The following FAM81A variants were observed in gnomAD, a reference collection of about 807,000 sequenced individuals.
The protein encoded by FAM81A is family with sequence similarity 81 member A, also known as protein FAM81A.
In FAM81A, 19 loss-of-function variants were observed where a neutral mutation model predicts 46.7. That is an observed-to-expected ratio of 0.41 (90% CI 0.28 to 0.60). The LOEUF (loss-of-function observed/expected upper bound fraction) is 0.60, where lower values mean the gene tolerates loss of function less well. Among genes scored for constraint, FAM81A ranks in the 20% least tolerant of loss-of-function variants. The pLI, the probability that FAM81A is intolerant of heterozygous loss-of-function variation, is 0.34. For synonymous variants in FAM81A, 183 were observed against 152.9 expected (o/e 1.20, Z -1.45); for missense variants, 377 against 453.5 (o/e 0.83, Z 1.53).
chr15:59,425,875 T>C (rs970466116), intron 2 of FAM81A, among the ~76,000 whole-genome samples: 5 of 152,238 alleles, frequency 3.3e-5, no homozygotes, highest in Non-Finnish European at 5.9e-5. Flanking sequence ...TCCTCCTGTC[T>C]TGGCCTCCTA....
chr15:59,460,328 TC>T lies in FAM81A; in HGVS notation c.294+123del. 2 of 1,272,306 alleles carry T rather than the reference TC, an allele frequency of 1.6e-6. No individual in the cohort carries two copies. Among genetic ancestry groups the T allele is most frequent in the South Asian group, 2.4e-5 (2 of 83,488 alleles). 78.8% of individuals were successfully genotyped at this position (1,272,306 alleles called of 1,614,324 possible). ...ACTGCATTTAGAACAAAGCTGTCTG[TC>T]TTGTCTATTCTTAATGATCGCCAAG... On this transcript the variant is annotated intron_variant, in intron 3 of 8. Transcript: ENST00000288228. The surrounding 1 kb of genome is among the most constrained non-coding windows in gnomAD (Gnocchi z 4.4).
rs1463156123 is a variant in FAM81A, at chr15:59,522,038, A to G, written c.*660A>G. The G allele has an allele frequency of 1.3e-5, 2 of 152,650 alleles. No individual in the cohort carries two copies. Among genetic ancestry groups the G allele is most frequent in the Non-Finnish European group, 2.9e-5 (2 of 68,028 alleles). 9.5% of individuals were successfully genotyped at this position (152,650 alleles called of 1,614,324 possible). ...AACTTATTTAGATAACGTAAGGCTC[A>G]ATATCTGCGTTGACCACCTAGATAT... On this transcript the variant is annotated 3_prime_UTR_variant, in exon 9 of 9. Coordinates refer to ENST00000288228, the MANE Select transcript of FAM81A (RefSeq NM_152450.3).
At chr15:59,425,062 T>C (rs2141557085) in intron 2 of FAM81A, among the ~76,000 whole-genome samples, 1 of 152,296 alleles carries the variant, frequency 6.6e-6, no homozygotes. Flanking sequence ...TTTAATTTTA[T>C]TTTATAGAGA....
intron 2 of FAM81A, among the ~76,000 whole-genome samples, chr15:59,408,745 C>T (rs544018554): frequency 7.2e-5 from 11 of 152,316 alleles, no homozygotes; most frequent in African/African-American, 2.4e-4. Flanking sequence ...AGGAGACTCT[C>T]TTGAACCTGA....
At chr15:59,461,274 C>A (rs188008823) in intron 3 of FAM81A, among the ~76,000 whole-genome samples, 1 of 152,058 alleles carries the variant, frequency 6.6e-6, no homozygotes, top group African/African-American at 2.4e-5. Context: ...TGAGGTCTTT[C>A]GCATCTGGCT....
chr15:59,500,642 T>C (rs1488675655), intron 4 of FAM81A, among the ~76,000 whole-genome samples: 18 of 152,034 alleles, frequency 1.2e-4, no homozygotes, highest in African/African-American at 4.3e-4. Context: ...TGTTGGTGCA[T>C]TTACTGGTGT....
intron 4 of FAM81A, among the ~76,000 whole-genome samples, chr15:59,504,066 C>T (rs2141805976): frequency 6.6e-6 from 1 of 152,214 alleles, no homozygotes; most frequent in Non-Finnish European, 1.5e-5. Flanking sequence ...GTAGTGATAC[C>T]TGATAGTGTT....
chr15:59,440,962 C>T (rs968205449), intron 1 of FAM81A, among the ~76,000 whole-genome samples: 26 of 152,208 alleles, frequency 1.7e-4, no homozygotes, highest in Admixed American at 2.0e-4. Context: ...GGACAGGTTC[C>T]ATTGAAAATT....
chr15:59,437,105 A>G (rs952816174), upstream of FAM81A, among the ~76,000 whole-genome samples: 1 of 152,212 alleles, frequency 6.6e-6, no homozygotes, highest in South Asian at 2.1e-4. Flanking sequence ...AATACCCACA[A>G]ATATTTCAAA....
At chr15:59,427,047 T>C (rs903090095) in intron 2 of FAM81A, among the ~76,000 whole-genome samples, 2 of 152,248 alleles carry the variant, frequency 1.3e-5, no homozygotes, top group Admixed American at 1.3e-4. Flanking sequence ...TGTTTCTGTT[T>C]CTTTCTCCCA....
At chr15:59,519,727 A>G (rs984925447) in intron 8 of FAM81A, among the ~76,000 whole-genome samples, 4 of 152,008 alleles carry the variant, frequency 2.6e-5, no homozygotes, top group African/African-American at 7.2e-5. Context: ...CATTTGTGAC[A>G]AATGGCAGGC....
intron 1 of FAM81A, among the ~76,000 whole-genome samples, chr15:59,457,637 T>C (rs1000685272): frequency 1.3e-5 from 2 of 152,224 alleles, no homozygotes; most frequent in South Asian, 4.1e-4. Context: ...TTGTTTGGCA[T>C]GAATGACTTT....
intron 2 of FAM81A, among the ~76,000 whole-genome samples, chr15:59,416,151 A>G (rs1195669144): frequency 6.6e-6 from 1 of 152,234 alleles, no homozygotes; most frequent in Non-Finnish European, 1.5e-5. Flanking sequence ...ACTTGGGTAC[A>G]GGACATTTAT....
chr15:59,411,192 A>G (rs923012), intron 2 of FAM81A, among the ~76,000 whole-genome samples: 143,337 of 152,206 alleles, frequency 0.94, 68,075 homozygotes, highest in East Asian at 1. Context: ...GCACAGATCA[A>G]GGAGGGTTAG....
chr15:59,518,943 CTGTG>C (rs34494392), intron 8 of FAM81A, among the ~76,000 whole-genome samples: 5,755 of 143,082 alleles, frequency 0.04, 132 homozygotes, highest in South Asian at 0.071. Context: ...GTGTGTGTGT[CTGTG>C]TGTGTGTGTG....
chr15:59,436,228 G>A (rs1478811858), upstream of FAM81A, among the ~76,000 whole-genome samples: 1 of 152,188 alleles, frequency 6.6e-6, no homozygotes, highest in Non-Finnish European at 1.5e-5. Context: ...TTGAGAGTGA[G>A]GGAGTCTTGC....
At position 59,522,740 on chromosome 15, in the gene FAM81A, G is replaced by A. The variant is rs2082339721; in HGVS notation, c.*1362G>A. ...AAAAAAATGTTTTTTGTTTGCCAAG[G>A]ACTCAGGAAAATAAAAAGCATTTTC... is the stretch of plus-strand genomic sequence containing the variant. On this transcript the variant is annotated 3_prime_UTR_variant, in exon 9 of 9. Coordinates refer to ENST00000288228, the MANE Select transcript of FAM81A (RefSeq NM_152450.3). The A allele has an allele frequency of 6.6e-6, 1 of 152,578 alleles. No homozygotes were observed. Among genetic ancestry groups the A allele is most frequent in the South Asian group, 2.1e-4 (1 of 4,826 alleles). 9.5% of individuals were successfully genotyped at this position (152,578 alleles called of 1,614,324 possible). A position where few individuals can be genotyped will look rare whatever the true frequency, so the allele number is the denominator to read the frequency against.
At chr15:59,466,067 C>G (rs1216269683) in intron 3 of FAM81A, among the ~76,000 whole-genome samples, 3 of 152,230 alleles carry the variant, frequency 2.0e-5, no homozygotes, top group Admixed American at 6.5e-5. Flanking sequence ...CATAGTATTT[C>G]ATGGTGTATA....
Position 59,460,537 on chromosome 15 carries a change from G to A in FAM81A, c.294+331G>A. 2.5e-6 allele frequency: 1 copy of A among 394,698 alleles called. No individual in the cohort carries two copies. Among genetic ancestry groups the A allele is most frequent in the Admixed American group, 3.7e-5 (1 of 27,298 alleles). The allele number at this position is 394,698 out of a possible 1,614,324, so 24.4% of individuals were successfully genotyped here. A position where few individuals can be genotyped will look rare whatever the true frequency, so the allele number is the denominator to read the frequency against. ...TCACTCTATAATCTTTCATATCTTT[G>A]AAGACAGCTATTAAGTCAATTACTA... On this transcript the variant is annotated intron_variant, in intron 3 of 8. Transcript: ENST00000288228. The surrounding 1 kb of genome is among the most constrained non-coding windows in gnomAD (Gnocchi z 4.4).
Sources: gnomAD v4.1 joint callset for allele counts (sites outside exome capture counted in the v4.1 genomes callset) on GRCh38, gnomAD v4.1.1 for gene constraint, Gnocchi (gnomAD v3.1) non-coding constraint, MANE v1.5 for transcripts, NCBI Gene and HGNC (gene_info 2026-07-23, HGNC 2026-07-21) for gene names.